The following CMPK1 variants were observed in gnomAD, a reference collection of about 807,000 sequenced individuals.
CMPK1 encodes the protein UMP-CMP kinase.
A neutral mutation model predicts 25.7 loss-of-function variants in CMPK1; 10 were observed. The ratio of observed to expected loss-of-function variants is 0.39; its 90% confidence interval spans 0.24 to 0.66. CMPK1 has a LOEUF of 0.66. Ranked by LOEUF, CMPK1 falls within the 30% of genes least tolerant of loss-of-function variation. The probability of loss-of-function intolerance (pLI) is 0.48; values close to 1 mark genes in which losing one functional copy is unlikely to be tolerated. For synonymous variants in CMPK1, 106 were observed against 101.5 expected, an observed-to-expected ratio of 1.04 and a Z score of -0.27; for missense variants, 199 against 280.5, an observed-to-expected ratio of 0.71 and a Z score of 2.08.
intron 2 of CMPK1, among the ~76,000 whole-genome samples, chr1:47,371,413 C>T (rs1261711878): frequency 6.6e-6 from 1 of 152,180 alleles, no homozygotes; most frequent in Non-Finnish European, 1.5e-5. Flanking sequence ...ATTCTGTTTC[C>T]ATCTCCATTG....
At chr1:47,360,846 T>G (rs6696620) in intron 1 of CMPK1, among the ~76,000 whole-genome samples, 271 of 152,216 alleles carry the variant, frequency 1.8e-3, no homozygotes, top group African/African-American at 6.1e-3. Flanking sequence ...AAGAAGAGCT[T>G]TATTGGTGAT....
At chr1:47,345,659 A>T (rs558599072) in intron 1 of CMPK1, among the ~76,000 whole-genome samples, 1 of 151,304 alleles carries the variant, frequency 6.6e-6, no homozygotes, top group Non-Finnish European at 1.5e-5. Context: ...ACGCCCGGCT[A>T]ATTTTTTGTA....
intron 1 of CMPK1, among the ~76,000 whole-genome samples, chr1:47,367,041 T>A (rs1019894591): frequency 4.6e-5 from 7 of 151,452 alleles, no homozygotes; most frequent in Admixed American, 2.6e-4. Context: ...TTCTTTCTTT[T>A]AAAAAAAAAG....
intron 1 of CMPK1, among the ~76,000 whole-genome samples, chr1:47,366,368 T>C (rs895385625): frequency 3.3e-5 from 5 of 152,208 alleles, no homozygotes; most frequent in Admixed American, 2.0e-4. Flanking sequence ...CTGGAAAATA[T>C]CTATTCTTGC....
At chr1:47,349,155 A>G (rs1298753630) in intron 1 of CMPK1, among the ~76,000 whole-genome samples, 1 of 152,232 alleles carries the variant, frequency 6.6e-6, no homozygotes, top group East Asian at 1.9e-4. Flanking sequence ...GCAAGCCAGG[A>G]CATAACAAAA....
intron 1 of CMPK1, among the ~76,000 whole-genome samples, chr1:47,347,689 A>T (rs1646494883): frequency 1.3e-5 from 2 of 152,076 alleles, no homozygotes; most frequent in South Asian, 4.2e-4. Context: ...GCAGTGGTGC[A>T]ATCTCAGCTC....
intron 1 of CMPK1, among the ~76,000 whole-genome samples, chr1:47,363,611 C>T (rs557862634): frequency 3.6e-4 from 55 of 151,800 alleles, no homozygotes; most frequent in Non-Finnish European, 6.9e-4. Context: ...GCACTCCAGC[C>T]TGGGCAACAG....
At chr1:47,373,147 A>C in intron 3 of CMPK1, 40 bp downstream of exon 3, 3 of 1,529,738 alleles carry the variant, frequency 2.0e-6, no homozygotes. Flanking sequence ...GCTTTAAGCA[A>C]CTGTTAGTCA....
intron 1 of CMPK1, among the ~76,000 whole-genome samples, chr1:47,343,902 C>T (rs1028368219): frequency 3.3e-5 from 5 of 151,266 alleles, no homozygotes; most frequent in African/African-American, 1.2e-4. Context: ...AAAAAAAAAG[C>T]CCATCTCTAC....
intron 1 of CMPK1, among the ~76,000 whole-genome samples, chr1:47,355,534 G>A (rs530684917): frequency 1.3e-5 from 2 of 150,892 alleles, no homozygotes; most frequent in Non-Finnish European, 3.0e-5. Context: ...AGGCTGGTCT[G>A]AAACTCCTGA....
intron 1 of CMPK1, among the ~76,000 whole-genome samples, chr1:47,345,311 T>C (rs1646474602): frequency 6.6e-6 from 1 of 152,024 alleles, no homozygotes; most frequent in Non-Finnish European, 1.5e-5. Context: ...ATGCCCTTAG[T>C]GTCTCAGTTT....
At chr1:47,364,182 A>G (rs1055745828) in intron 1 of CMPK1, among the ~76,000 whole-genome samples, 8 of 152,194 alleles carry the variant, frequency 5.3e-5, no homozygotes, top group African/African-American at 1.9e-4. Context: ...AAAAGAAAAA[A>G]AAAGATTCTA....
At chr1:47,360,924 C>A (rs1247185659) in intron 1 of CMPK1, among the ~76,000 whole-genome samples, 1 of 152,032 alleles carries the variant, frequency 6.6e-6, no homozygotes, top group East Asian at 1.9e-4. Flanking sequence ...AGGAGATGGG[C>A]AGGTTGGGTT....
At chr1:47,347,269 G>A (rs2149327198) in intron 1 of CMPK1, among the ~76,000 whole-genome samples, 1 of 151,586 alleles carries the variant, frequency 6.6e-6, no homozygotes, top group African/African-American at 2.4e-5. Flanking sequence ...GAGTGCAGTG[G>A]CACAATCATA....
chr1:47,336,927 T>G (rs924266903), intron 1 of CMPK1, among the ~76,000 whole-genome samples: 10 of 152,232 alleles, frequency 6.6e-5, no homozygotes, highest in African/African-American at 2.4e-4. Flanking sequence ...AATCATAATA[T>G]GCCTTTAAAA....
intron 1 of CMPK1, among the ~76,000 whole-genome samples, chr1:47,355,834 A>T (rs895717234): frequency 2.8e-5 from 4 of 140,922 alleles, no homozygotes; most frequent in Non-Finnish European, 6.2e-5. Flanking sequence ...CTTGAATTTG[A>T]CCTCGGGTGA....
intron 1 of CMPK1, among the ~76,000 whole-genome samples, chr1:47,353,778 G>A (rs1209940625): frequency 1.3e-5 from 2 of 152,066 alleles, no homozygotes; most frequent in Admixed American, 6.6e-5. Context: ...GTGCAGTGGC[G>A]TGATCTTGGC....
intron 1 of CMPK1, among the ~76,000 whole-genome samples, chr1:47,334,766 C>G (rs572070619): frequency 6.6e-6 from 1 of 152,302 alleles, no homozygotes; most frequent in East Asian, 1.9e-4. Flanking sequence ...GAGTGCTGTT[C>G]TGAGATCAAG....
At chr1:47,370,270 T>C (rs1646669496) in intron 2 of CMPK1, among the ~76,000 whole-genome samples, 1 of 151,642 alleles carries the variant, frequency 6.6e-6, no homozygotes, top group Non-Finnish European at 1.5e-5. Context: ...CGCTCAGCCA[T>C]GGTGTCTACT....
Sources: allele counts gnomAD v4.1 joint callset (sites outside exome capture counted in the v4.1 genomes callset), GRCh38; gene constraint gnomAD v4.1.1; transcripts MANE v1.5; gene names NCBI Gene and HGNC (gene_info 2026-07-23, HGNC 2026-07-21).